RBFOX1: variants seen among roughly 807,000 people sequenced by gnomAD.
The protein encoded by RBFOX1 is RNA binding fox-1 homolog 1, also known as RNA binding protein fox-1 homolog 1.
In RBFOX1, 8 loss-of-function variants were observed where a neutral mutation model predicts 57.7. The observed-to-expected ratio is 0.14, with a 90% CI of 0.08 to 0.25. RBFOX1 has a LOEUF of 0.25. Among genes scored for constraint, RBFOX1 ranks in the 10% least tolerant of loss-of-function variants. The pLI, the probability that RBFOX1 is intolerant of heterozygous loss-of-function variation, is 1.00. For synonymous variants in RBFOX1, 326 were observed against 222.4 expected (o/e 1.47, Z -4.15); for missense variants, 611 against 548.5 (o/e 1.11, Z -1.14).
intron 4 of RBFOX1, among the ~76,000 whole-genome samples, chr16:7,350,668 T>C (rs778639545): frequency 6.6e-6 from 1 of 152,218 alleles, no homozygotes; most frequent in East Asian, 1.9e-4. Context: ...TATCCACGAT[T>C]GGCTAGTGAA....
intron 4 of RBFOX1, among the ~76,000 whole-genome samples, chr16:5,907,533 A>G (rs1030086547): frequency 6.6e-6 from 1 of 152,056 alleles, no homozygotes; most frequent in African/African-American, 2.4e-5. Flanking sequence ...TGTCTTGCTT[A>G]TGCTGTGTGA....
intron 3 of RBFOX1, among the ~76,000 whole-genome samples, chr16:5,644,779 C>G (rs1391050383): frequency 1.3e-5 from 2 of 152,176 alleles, no homozygotes; most frequent in African/African-American, 4.8e-5. Flanking sequence ...TTTTGTGTAT[C>G]CGTTTATCAG....
chr16:7,483,630 T>C (rs528019849), intron 4 of RBFOX1, among the ~76,000 whole-genome samples: 1 of 152,318 alleles, frequency 6.6e-6, no homozygotes, highest in African/African-American at 2.4e-5. Flanking sequence ...GGGTGGCTGA[T>C]AATAGAATAA....
chr16:7,215,815 C>T (rs1265898027), intron 4 of RBFOX1, among the ~76,000 whole-genome samples: 1 of 150,596 alleles, frequency 6.6e-6, no homozygotes, highest in Non-Finnish European at 1.5e-5. Context: ...AGCTCTGCCT[C>T]TCGGGTTCAC....
At chr16:6,104,723 AAAAC>A (rs1161499286) in intron 1 of RBFOX1, among the ~76,000 whole-genome samples, 2 of 152,224 alleles carry the variant, frequency 1.3e-5, no homozygotes, top group African/African-American at 2.4e-5. Flanking sequence ...CACTTTAGCC[AAAAC>A]AAACAAAGAG....
At chr16:7,697,166 G>A (rs1365309415) in intron 14 of RBFOX1, among the ~76,000 whole-genome samples, 1 of 152,186 alleles carries the variant, frequency 6.6e-6, no homozygotes, top group Non-Finnish European at 1.5e-5. Flanking sequence ...GGGCAATGGG[G>A]GGGCCCTTAC....
chr16:6,664,196 C>A (rs969957224), intron 3 of RBFOX1, among the ~76,000 whole-genome samples: 9 of 151,914 alleles, frequency 5.9e-5, no homozygotes, highest in Non-Finnish European at 1.2e-4. Context: ...AGAGATCTAA[C>A]ACCAGCAAAG....
intron 4 of RBFOX1, among the ~76,000 whole-genome samples, chr16:7,084,913 G>T (rs138286597): frequency 0.011 from 1,629 of 151,988 alleles, 15 homozygotes; most frequent in Non-Finnish European, 0.016. Flanking sequence ...CAGCCATTCA[G>T]CCATCCATCC....
At chr16:5,376,344 GTTGT>G (rs2065983235) in intron 1 of RBFOX1, among the ~76,000 whole-genome samples, 2 of 152,040 alleles carry the variant, frequency 1.3e-5, no homozygotes, top group South Asian at 2.1e-4. Context: ...CCTGCAGGTG[GTTGT>G]TTGTTGGGAC....
chr16:6,426,063 T>G (rs1377271604), intron 2 of RBFOX1, among the ~76,000 whole-genome samples: 2 of 146,822 alleles, frequency 1.4e-5, no homozygotes, highest in Non-Finnish European at 3.0e-5. Context: ...GCTGTTTCTC[T>G]GTCTCTCTGT....
chr16:6,253,294 T>C (rs969839721), intron 1 of RBFOX1, among the ~76,000 whole-genome samples: 2 of 152,190 alleles, frequency 1.3e-5, no homozygotes, highest in African/African-American at 4.8e-5. Flanking sequence ...ATCGCCATCA[T>C]TTTAGCTCTC....
At chr16:5,313,570 T>C (rs939659727) in intron 1 of RBFOX1, among the ~76,000 whole-genome samples, 1 of 151,986 alleles carries the variant, frequency 6.6e-6, no homozygotes, top group Admixed American at 6.6e-5. Flanking sequence ...AGAGGTTTAA[T>C]GGACTTACAG....
chr16:5,310,422 T>C (rs1321741047), intron 1 of RBFOX1, among the ~76,000 whole-genome samples: 1 of 152,128 alleles, frequency 6.6e-6, no homozygotes, highest in Non-Finnish European at 1.5e-5. Flanking sequence ...GTATGGACTT[T>C]GGAATTAGGC....
chr16:6,639,929 C>G (rs1020759523), intron 2 of RBFOX1, among the ~76,000 whole-genome samples: 2 of 152,064 alleles, frequency 1.3e-5, no homozygotes, highest in Non-Finnish European at 2.9e-5. Flanking sequence ...ACAGTTATGA[C>G]AGGTATTTTG....
At chr16:7,281,641 T>C (rs2095545803) in intron 4 of RBFOX1, among the ~76,000 whole-genome samples, 1 of 151,996 alleles carries the variant, frequency 6.6e-6, no homozygotes, top group African/African-American at 2.4e-5. Context: ...GGGGTTCTAG[T>C]CTAGATGAGA....
At chr16:5,745,557 C>T (rs1361472601) in intron 3 of RBFOX1, among the ~76,000 whole-genome samples, 5 of 152,188 alleles carry the variant, frequency 3.3e-5, no homozygotes, top group Non-Finnish European at 7.3e-5. Context: ...ACAGTCCCAC[C>T]AGCAGTGTAA....
intron 3 of RBFOX1, among the ~76,000 whole-genome samples, chr16:6,800,412 A>G (rs1254568412): frequency 1.3e-5 from 2 of 152,114 alleles, no homozygotes; most frequent in Non-Finnish European, 2.9e-5. Context: ...CTCACTCTTT[A>G]ACAGTGATAG....
chr16:6,172,167 G>A (rs2096965729), intron 1 of RBFOX1, among the ~76,000 whole-genome samples: 3 of 152,046 alleles, frequency 2.0e-5, no homozygotes, highest in Admixed American at 2.0e-4. Context: ...GCATGGTGGT[G>A]GACAAACCAG....
At chr16:7,688,081 A>G (rs1343058634) in intron 14 of RBFOX1, among the ~76,000 whole-genome samples, 1 of 152,046 alleles carries the variant, frequency 6.6e-6, no homozygotes, top group Non-Finnish European at 1.5e-5. Flanking sequence ...CCTTATAAAC[A>G]ACAGATATCC....
Sources: allele counts gnomAD v4.1 joint callset (sites outside exome capture counted in the v4.1 genomes callset), GRCh38; gene constraint gnomAD v4.1.1; transcripts MANE v1.5; gene names NCBI Gene and HGNC (gene_info 2026-07-23, HGNC 2026-07-21).